Variants in UBR3 observed in about 807,000 individuals in gnomAD.
The protein encoded by UBR3 is E3 ubiquitin-protein ligase UBR3.
In UBR3, 85 loss-of-function variants were observed where a neutral mutation model predicts 243.2. That is an observed-to-expected ratio of 0.35 (90% CI 0.29 to 0.42). UBR3 has a LOEUF of 0.42. UBR3 is among the 10% of genes least tolerant of loss of function. The probability of loss-of-function intolerance (pLI) is 1.00; values close to 1 mark genes in which losing one functional copy is unlikely to be tolerated. For missense variants in UBR3, 1,686 were observed against 2,300.8 expected (o/e 0.73, Z 5.47); for synonymous variants, 748 against 799.8 (o/e 0.94, Z 1.09).
chr2:169,942,966 T>C (rs2086647685), intron 20 of UBR3, among the ~76,000 whole-genome samples: 1 of 152,124 alleles, frequency 6.6e-6, no homozygotes, highest in African/African-American at 2.4e-5. Flanking sequence ...CAGAACCCAC[T>C]AAAATGACAA....
intron 8 of UBR3, 106 bp downstream of exon 8, chr2:169,896,841 TATTATTA>T: frequency 5.3e-6 from 4 of 760,584 alleles, no homozygotes; most frequent in Non-Finnish European, 7.6e-6. Flanking sequence ...TGATACTTAG[TATTATTA>T]ATCATATTCT....
At chr2:170,007,586 C>T (rs1038250615) in intron 28 of UBR3, among the ~76,000 whole-genome samples, 1 of 152,054 alleles carries the variant, frequency 6.6e-6, no homozygotes, top group African/African-American at 2.4e-5. Context: ...GGCAAAACCC[C>T]GTCTCTACTA....
At position 169,894,459 on chromosome 2, in the gene UBR3, G is replaced by A. The variant is rs1043069844; in HGVS notation, c.1106-722G>A. Among the ~76,000 whole-genome samples, 7 of 150,570 alleles carry A rather than the reference G, an allele frequency of 4.6e-5. No homozygotes were observed. In the South Asian group the frequency reaches 6.4e-4, roughly 14 times the overall value. Reference sequence around the variant, plus strand: ...AGTTGGAAGATATTTTTGCCTTTCTGTAGTTAAAATCATAATATCTTCAGA... The same window carrying A: ...AGTTGGAAGATATTTTTGCCTTTCTATAGTTAAAATCATAATATCTTCAGA... On this transcript the variant is annotated intron_variant, in intron 6 of 38. Coordinates refer to ENST00000272793, the MANE Select transcript of UBR3 (RefSeq NM_172070.4).
intron 5 of UBR3, among the ~76,000 whole-genome samples, chr2:169,879,834 A>C (rs2083754849): frequency 6.6e-6 from 1 of 152,206 alleles, no homozygotes; most frequent in Admixed American, 6.5e-5. Context: ...ATAACTTCTG[A>C]GAATCATATT....
At chr2:169,936,836 A>C (rs1018881553) in intron 19 of UBR3, among the ~76,000 whole-genome samples, 1 of 152,288 alleles carries the variant, frequency 6.6e-6, no homozygotes, top group Non-Finnish European at 1.5e-5. Flanking sequence ...CCATGTCCGT[A>C]CAAAGGACAT....
rs529745647 is a variant in UBR3 at position 169,942,560 on chromosome 2, C to A, written c.2731C>A (p.Pro911Thr). ...PPYKKRTSLH[P>T]SYKGLMRLLH... ...ATATAAGAAAAGGACATCACTCCAT[C>A]CTAGCTATAAAGGTCTTATGAGACT... The change falls in exon 20 of 39, where the codon CCT (proline) becomes ACT (threonine). Residue 911 changes from proline to threonine, a missense_variant. By Grantham distance (38) the Pro-to-Thr change is conservative (BLOSUM62 -1). Around this residue, in one of 8 missense-constraint regions of UBR3, gnomAD observed 300 missense variants for 314.4 expected, o/e 0.95. Transcript: ENST00000272793. 1.0e-5 allele frequency: 16 copies of A among 1,550,554 alleles called. No individual in the cohort carries two copies. In the South Asian group the frequency reaches 1.9e-4, roughly 18 times the overall value.
chr2:170,034,104 A>G (rs1358666016), intron 31 of UBR3, among the ~76,000 whole-genome samples: 5 of 151,858 alleles, frequency 3.3e-5, no homozygotes, highest in East Asian at 1.9e-4. Context: ...TGTAACAGAT[A>G]CATAGCCTTT....
intron 24 of UBR3, among the ~76,000 whole-genome samples, chr2:169,976,163 T>C (rs2088430754): frequency 6.6e-6 from 1 of 152,206 alleles, no homozygotes; most frequent in African/African-American, 2.4e-5. Flanking sequence ...GAGAATTTAA[T>C]TGGTTTACAT....
At position 169,938,542 on chromosome 2, in the gene UBR3, A is replaced by T. The variant is rs75381592; in HGVS notation, c.2664-3951A>T. Among the ~76,000 whole-genome samples, 692 of 152,264 alleles carry T rather than the reference A, an allele frequency of 4.5e-3. 13 individuals carry two copies. Among genetic ancestry groups the T allele is most frequent in the Admixed American group, 0.03 (462 of 15,290 alleles). On this transcript the variant is annotated intron_variant, in intron 19 of 38. Transcript: ENST00000272793. The stretch of plus-strand genomic sequence containing the variant: ...CTCCCAAAGTGTTAGGATAACAGGC[A>T]TGAGCCATTGTGCCCGGTCTGTAAA...
Position 169,856,596 on chromosome 2 carries a change from C to T in UBR3, c.546-15640C>T, listed in dbSNP as rs373522386. On this transcript the variant is annotated intron_variant, in intron 1 of 38. Coordinates refer to ENST00000272793, the MANE Select transcript of UBR3 (RefSeq NM_172070.4). Reference sequence around the variant, plus strand: ...CTGCAATCCCGGCACCTCGGGAGGCCGAGGCTGGCAGATCACTCGCAGTCA... The same window carrying T: ...CTGCAATCCCGGCACCTCGGGAGGCTGAGGCTGGCAGATCACTCGCAGTCA... Among the ~76,000 whole-genome samples the T allele has an allele frequency of 7.2e-5, 11 of 152,288 alleles. No individual in the cohort carries two copies. In the South Asian group the frequency reaches 2.3e-3, roughly 32 times the overall value.
At chr2:170,022,993 TGTGAGAG>T (rs2090432618) in intron 30 of UBR3, among the ~76,000 whole-genome samples, 1 of 152,156 alleles carries the variant, frequency 6.6e-6, no homozygotes, top group Non-Finnish European at 1.5e-5. Context: ...CTGGCTTTGA[TGTGAGAG>T]GTGTATACTC....
intron 1 of UBR3, among the ~76,000 whole-genome samples, chr2:169,841,978 G>A (rs977656478): frequency 6.6e-6 from 1 of 152,246 alleles, no homozygotes; most frequent in African/African-American, 2.4e-5. Flanking sequence ...GATCCACTAG[G>A]TGAAGCCAGC....
intron 1 of UBR3, among the ~76,000 whole-genome samples, chr2:169,856,386 C>T (rs547442139): frequency 4.7e-5 from 7 of 149,146 alleles, no homozygotes; most frequent in East Asian, 2.0e-4. Flanking sequence ...ACATCCCAGA[C>T]GATGGGCGGC....
chr2:170,054,767 G>T (rs1245342922), intron 32 of UBR3, among the ~76,000 whole-genome samples: 1 of 152,062 alleles, frequency 6.6e-6, no homozygotes, highest in African/African-American at 2.4e-5. Context: ...TCATATAGGG[G>T]TAGATGATGT....
chr2:170,075,913 G>GAAAA (rs35290980), intron 36 of UBR3, among the ~76,000 whole-genome samples: 1 of 137,330 alleles, frequency 7.3e-6, no homozygotes, highest in African/African-American at 2.7e-5. Flanking sequence ...AACTATGACA[G>GAAAA]AAAAAAAAAA....
intron 25 of UBR3, among the ~76,000 whole-genome samples, chr2:169,989,156 C>T (rs2089165262): frequency 1.3e-5 from 2 of 152,160 alleles, no homozygotes; most frequent in South Asian, 4.1e-4. Context: ...ATAATTTCAT[C>T]TGTAAAAAAT....
chr2:169,880,639 G>C (rs1379244455), intron 5 of UBR3, among the ~76,000 whole-genome samples: 7 of 152,096 alleles, frequency 4.6e-5, no homozygotes, highest in African/African-American at 1.7e-4. Context: ...TGTGTATTGA[G>C]GGGCTTTTGA....
chr2:169,969,474 T>C (rs1038805295), intron 24 of UBR3, among the ~76,000 whole-genome samples: 20 of 152,234 alleles, frequency 1.3e-4, no homozygotes, highest in African/African-American at 4.3e-4. Flanking sequence ...ATGTTTTTGG[T>C]ACCTTTGTTG....
chr2:169,920,512 C>T (rs556306411), intron 11 of UBR3, among the ~76,000 whole-genome samples: 2 of 152,016 alleles, frequency 1.3e-5, no homozygotes, highest in Non-Finnish European at 2.9e-5. Flanking sequence ...AGGGATGTCT[C>T]AGGGTTAGGG....
Sources: allele counts gnomAD v4.1 joint callset (sites outside exome capture counted in the v4.1 genomes callset), GRCh38; gene constraint gnomAD v4.1.1; regional missense constraint gnomAD v4.1.1; transcripts MANE v1.5; gene names NCBI Gene and HGNC (gene_info 2026-07-23, HGNC 2026-07-21).